The following RSF1 variants were observed in gnomAD, a reference collection of about 807,000 sequenced individuals.
RSF1 encodes the protein HBV pX-associated protein 8.
A neutral mutation model predicts 145.2 loss-of-function variants in RSF1; 13 were observed. The ratio of observed to expected loss-of-function variants is 0.09; its 90% CI spans 0.06 to 0.14. RSF1 has a LOEUF of 0.14. Among genes scored for constraint, RSF1 ranks in the 10% least tolerant of loss-of-function variants. The probability of loss-of-function intolerance (pLI) is 1.00; values close to 1 mark genes in which losing one functional copy is unlikely to be tolerated. For missense variants in RSF1, 1,517 were observed against 1,718.2 expected, an observed-to-expected ratio of 0.88 and a Z score of 2.07; for synonymous variants, 577 against 592.6, an observed-to-expected ratio of 0.97 and a Z score of 0.38.
intron 5 of RSF1, among the ~76,000 whole-genome samples, chr11:77,707,536 G>A (rs1203962429): frequency 6.6e-6 from 1 of 152,138 alleles, no homozygotes; most frequent in Non-Finnish European, 1.5e-5. Flanking sequence ...AATTAGCCAT[G>A]GATGTCAACC....
intron 1 of RSF1, among the ~76,000 whole-genome samples, chr11:77,815,004 G>A (rs905372043): frequency 3.9e-5 from 6 of 152,182 alleles, no homozygotes; most frequent in South Asian, 2.1e-4. Flanking sequence ...GAAAGAAAGC[G>A]TAAAATGGAA....
chr11:77,837,525 G>C, the RSF1 span, among the ~76,000 whole-genome samples: 2 of 152,002 alleles, frequency 1.3e-5, no homozygotes, highest in African/African-American at 2.4e-5. Context: ...TGCGATCTTG[G>C]CTCATTGTTA....
At chr11:77,820,266 G>A (rs955433569) in intron 1 of RSF1, among the ~76,000 whole-genome samples, 2 of 152,112 alleles carry the variant, frequency 1.3e-5, no homozygotes, top group Non-Finnish European at 2.9e-5. Context: ...ACCCCTCCCC[G>A]CCTCCAGCCC....
chr11:77,857,203 A>C, the RSF1 span, among the ~76,000 whole-genome samples: 1 of 152,228 alleles, frequency 6.6e-6, no homozygotes, highest in Non-Finnish European at 1.5e-5. Flanking sequence ...CGGTAGATGA[A>C]CCAAGAGAGG....
At chr11:77,784,026 T>C (rs1327994620) in intron 1 of RSF1, among the ~76,000 whole-genome samples, 1 of 152,232 alleles carries the variant, frequency 6.6e-6, no homozygotes, top group Non-Finnish European at 1.5e-5. Flanking sequence ...TTAGGTTTGT[T>C]GAGATTATTG....
chr11:77,732,226 G>A (rs1009624337), intron 4 of RSF1, among the ~76,000 whole-genome samples: 12 of 152,328 alleles, frequency 7.9e-5, no homozygotes, highest in Admixed American at 5.2e-4. Context: ...GACTTGCATG[G>A]GGCCTACAGC....
chr11:77,869,035 G>A, the RSF1 span: 1 of 342,180 alleles, frequency 2.9e-6, no homozygotes, highest in Non-Finnish European at 5.5e-6. Flanking sequence ...ACATTTGTGG[G>A]ACATTCCTTT....
At chr11:77,795,553 A>G (rs1282410216) in intron 1 of RSF1, among the ~76,000 whole-genome samples, 1 of 152,238 alleles carries the variant, frequency 6.6e-6, no homozygotes, top group East Asian at 1.9e-4. Flanking sequence ...TAGAGAACTC[A>G]GAAATAAATA....
At chr11:77,815,018 G>A (rs936831095) in intron 1 of RSF1, among the ~76,000 whole-genome samples, 2 of 152,212 alleles carry the variant, frequency 1.3e-5, no homozygotes, top group African/African-American at 4.8e-5. Context: ...AATGGAAGAA[G>A]CAGCCCCTTC....
intron 1 of RSF1, among the ~76,000 whole-genome samples, chr11:77,801,859 T>G (rs889178304): frequency 1.5e-4 from 22 of 151,334 alleles, no homozygotes; most frequent in African/African-American, 5.1e-4. Context: ...TGATGAAACC[T>G]CCATTAAAAA....
At chr11:77,676,029 G>C (rs1959692000) in intron 13 of RSF1, among the ~76,000 whole-genome samples, 1 of 152,178 alleles carries the variant, frequency 6.6e-6, no homozygotes, top group Non-Finnish European at 1.5e-5. Context: ...GCTATCCAGA[G>C]CCAACAGGAG....
At position 77,740,714 on chromosome 11, in the gene RSF1, G is replaced by T. The variant is rs746751005; in HGVS notation, c.578+17C>A. On this transcript the variant is annotated intron_variant, in intron 4 of 15. Coordinates refer to ENST00000308488, the MANE Select transcript of RSF1 (RefSeq NM_016578.4). The stretch of plus-strand genomic sequence containing the variant: ...AAAACACACAAATAAGTGTAAAAAG[G>T]TTCCAATAAAAGATACCTGACAATG... 1.3e-5 allele frequency: 20 copies of T among 1,598,080 alleles called. No individual in the cohort carries two copies. Among genetic ancestry groups the T allele is most frequent in the South Asian group, 1.1e-4 (10 of 90,696 alleles).
intron 9 of RSF1, among the ~76,000 whole-genome samples, chr11:77,687,724 A>C (rs1960048025): frequency 6.6e-6 from 1 of 152,168 alleles, no homozygotes; most frequent in Non-Finnish European, 1.5e-5. Context: ...GATGACATTT[A>C]AACAAAGAGG....
At chr11:77,706,954 T>C (rs1408435163) in intron 5 of RSF1, among the ~76,000 whole-genome samples, 1 of 152,170 alleles carries the variant, frequency 6.6e-6, no homozygotes, top group Non-Finnish European at 1.5e-5. Flanking sequence ...GCACTCAATG[T>C]TTGCCAATAT....
In RSF1 at chr11:77,660,784, G is replaced by A. The variant is rs1959224150; in HGVS notation, c.*6133C>T. ...ATCTGCAGGCTTCCCTTCTGAATGA[G>A]GATAGCAAAAAACTGACGCTGGCAA... is the stretch of plus-strand genomic sequence containing the variant. On this transcript the variant is annotated 3_prime_UTR_variant, in exon 16 of 16. Transcript: ENST00000308488. The A allele has an allele frequency of 6.8e-6, 1 of 146,138 alleles. No individual in the cohort carries two copies. The highest frequency in any genetic ancestry group is 1.5e-5 in the Non-Finnish European group (1 of 67,390). The allele number at this position is 146,138 out of a possible 1,614,324, so 9.1% of individuals were successfully genotyped here.
chr11:77,851,346 A>C, the RSF1 span: 1 of 152,224 alleles, frequency 6.6e-6, no homozygotes, highest in African/African-American at 2.4e-5. Flanking sequence ...AGAGAATTGT[A>C]CAATTGACCA....
the RSF1 span, chr11:77,841,385 A>C: frequency 3.4e-6 from 2 of 595,262 alleles, no homozygotes; most frequent in Non-Finnish European, 6.0e-6. Flanking sequence ...CCTTGATTTT[A>C]TTCTTAAACC....
chr11:77,852,243 A>AAAAAAT, the RSF1 span, among the ~76,000 whole-genome samples: 1 of 133,694 alleles, frequency 7.5e-6, no homozygotes, highest in Non-Finnish European at 1.7e-5. Flanking sequence ...AAAAAAAAAG[A>AAAAAAT]AGAAGAAGAA....
the RSF1 span, chr11:77,872,175 G>A: frequency 1.2e-6 from 2 of 1,611,818 alleles, no homozygotes; most frequent in South Asian, 1.1e-5. Flanking sequence ...ACCTTCCCAG[G>A]TGCCTTCATC....
Sources: gnomAD v4.1 joint callset for allele counts (sites outside exome capture counted in the v4.1 genomes callset) on GRCh38, gnomAD v4.1.1 for gene constraint, MANE v1.5 for transcripts, NCBI Gene and HGNC (gene_info 2026-07-23, HGNC 2026-07-21) for gene names.